Variants in SEH1L observed in about 807,000 individuals in gnomAD.
The protein encoded by SEH1L is nucleoporin SEH1.
Under a neutral mutation model 49.5 loss-of-function variants are expected in SEH1L, and 18 were observed. The ratio of observed to expected loss-of-function variants is 0.36; its 90% CI spans 0.25 to 0.54. The LOEUF is 0.54. Ranked by LOEUF, SEH1L falls within the 20% of genes least tolerant of loss-of-function variation. The pLI is 0.87. For synonymous variants in SEH1L, 169 were observed against 178.1 expected (o/e 0.95, Z 0.41); for missense variants, 404 against 528.8 (o/e 0.76, Z 2.31).
intron 4 of SEH1L, among the ~76,000 whole-genome samples, chr18:12,968,319 C>G (rs2031542259): frequency 1.3e-5 from 2 of 152,268 alleles, no homozygotes; most frequent in South Asian, 2.1e-4. Flanking sequence ...GGGGCACCCT[C>G]CAACTGACAA....
intron 3 of SEH1L, among the ~76,000 whole-genome samples, chr18:12,956,966 G>T (rs984688604): frequency 6.6e-6 from 1 of 152,118 alleles, no homozygotes; most frequent in Non-Finnish European, 1.5e-5. Context: ...TACTCTGGAG[G>T]CTGAGGCAGG....
intron 3 of SEH1L, among the ~76,000 whole-genome samples, chr18:12,957,222 G>A (rs2145614671): frequency 6.6e-6 from 1 of 152,314 alleles, no homozygotes; most frequent in Admixed American, 6.5e-5. Context: ...GAGGTCAGGA[G>A]TTTGAGACCA....
Position 12,955,759 on chromosome 18 carries a change from C to A in SEH1L, c.309+150C>A, listed in dbSNP as rs567429762. 2.3e-4 allele frequency: 177 copies of A among 781,666 alleles called. 3 individuals carry two copies. In the South Asian group the frequency reaches 3.4e-3, roughly 15 times the overall value. The allele number at this position is 781,666 out of a possible 1,614,324, so 48.4% of individuals were successfully genotyped here. A position where few individuals can be genotyped will look rare whatever the true frequency, so the allele number is the denominator to read the frequency against. ...GTTCTTTCTTCCATGTTTTTTTCTTCCTTTTTTATTTCATTTTAACTTGGG... is the reference window on the plus strand; with the variant it reads ...GTTCTTTCTTCCATGTTTTTTTCTTACTTTTTTATTTCATTTTAACTTGGG... On this transcript the variant is annotated intron_variant, in intron 3 of 8. Transcript: ENST00000399892.
chr18:12,985,279 T>C, intron 8 of SEH1L: 1 of 1,607,110 alleles, frequency 6.2e-7, no homozygotes, highest in Non-Finnish European at 8.5e-7. Flanking sequence ...GTAACTTTGC[T>C]GTTTTGCTGC....
intron 5 of SEH1L, chr18:12,971,735 G>A (rs1434508464): frequency 6.5e-6 from 1 of 153,716 alleles, no homozygotes; most frequent in Non-Finnish European, 1.4e-5. Flanking sequence ...ATCTTATGAA[G>A]TGGAAGAATT....
chr18:12,979,118 G>A (rs1281391885), intron 6 of SEH1L, among the ~76,000 whole-genome samples: 2 of 150,812 alleles, frequency 1.3e-5, no homozygotes, highest in Non-Finnish European at 3.0e-5. Flanking sequence ...TCTCCCAGAG[G>A]GGGATTTGGC....
intron 6 of SEH1L, among the ~76,000 whole-genome samples, chr18:12,980,036 A>T (rs867286973): frequency 1.4e-5 from 1 of 73,846 alleles, no homozygotes; most frequent in Non-Finnish European, 2.6e-5. Flanking sequence ...CGGGCGGCTG[A>T]CCCCCCCACC....
intron 6 of SEH1L, among the ~76,000 whole-genome samples, chr18:12,980,381 C>A (rs868056140): frequency 3.0e-4 from 31 of 102,684 alleles, no homozygotes; most frequent in South Asian, 7.9e-4. Flanking sequence ...CTGACCCCCC[C>A]ACCTCCCTCC....
intron 3 of SEH1L, among the ~76,000 whole-genome samples, chr18:12,959,344 C>G (rs758810300): frequency 6.6e-6 from 1 of 152,150 alleles, no homozygotes; most frequent in Non-Finnish European, 1.5e-5. Flanking sequence ...TTTATACTTA[C>G]CAGTTAAGCA....
chr18:12,979,217 C>T (rs1348446467), intron 6 of SEH1L, among the ~76,000 whole-genome samples: 5 of 148,622 alleles, frequency 3.4e-5, no homozygotes, highest in African/African-American at 1.0e-4. Context: ...ACCCTGCGGC[C>T]TTCTGCAGTG....
At chr18:12,981,414 A>G (rs1302873595) in intron 6 of SEH1L, among the ~76,000 whole-genome samples, 2 of 152,172 alleles carry the variant, frequency 1.3e-5, no homozygotes, top group African/African-American at 4.8e-5. Context: ...CCTGGGCACC[A>G]TTGAGCACTG....
At chr18:12,952,758 C>T (rs117889884) in intron 2 of SEH1L, among the ~76,000 whole-genome samples, 2,442 of 151,236 alleles carry the variant, frequency 0.016, 31 homozygotes, top group Non-Finnish European at 0.025. Flanking sequence ...TCTCCCCTCC[C>T]CTCCCACCCT....
In SEH1L at chr18:12,984,376, TAG is replaced by T. The variant is rs1175357980; in HGVS notation, c.1070+187_1070+188del. On this transcript the variant is annotated intron_variant, in intron 8 of 8. Transcript: ENST00000399892. ...CTTACTTGGTCATAATATTTGCAGG[TAG>T]GTTATGAAGTCATTACATTATATTC... The T allele has an allele frequency of 2.8e-5, 18 of 636,980 alleles. No homozygotes were observed. The African/African-American group carries it at 3.1e-4, about 11-fold the overall frequency. The allele number at this position is 636,980 out of a possible 1,614,324, so 39.5% of individuals were successfully genotyped here.
intron 4 of SEH1L, among the ~76,000 whole-genome samples, chr18:12,963,939 C>A (rs1275876873): frequency 1.3e-5 from 2 of 152,238 alleles, no homozygotes; most frequent in African/African-American, 4.8e-5. Context: ...TCTTGAACTT[C>A]TAACCTCAGG....
Position 12,985,979 on chromosome 18 carries a change from A to C in SEH1L, c.1071-883A>C, listed in dbSNP as rs148985802. 3.3e-6 allele frequency: 3 copies of C among 898,560 alleles called. No individual in the cohort carries two copies. The African/African-American group carries it at 5.4e-5, about 16-fold the overall frequency. 55.7% of individuals were successfully genotyped at this position (898,560 alleles called of 1,614,324 possible). ...TTAATTCATAGTCACTAAAGAGATAAATGTTTCTTATATACATTTGTGTAT... is the reference window on the plus strand; with the variant it reads ...TTAATTCATAGTCACTAAAGAGATACATGTTTCTTATATACATTTGTGTAT... On this transcript the variant is annotated intron_variant, in intron 8 of 8. Transcript: ENST00000399892.
chr18:12,982,770 C>T, intron 7 of SEH1L, 95 bp downstream of exon 7: 1 of 933,864 alleles, frequency 1.1e-6, no homozygotes, highest in Non-Finnish European at 1.6e-6. Context: ...TGAAAATGGT[C>T]TTTTACAGTT....
At chr18:12,955,639 G>A (rs373973930) in intron 3 of SEH1L, 30 bp downstream of exon 3, 8 of 1,606,756 alleles carry the variant, frequency 5.0e-6, no homozygotes, top group Admixed American at 3.3e-5. Flanking sequence ...TCTGGGGACC[G>A]GGAAGACATG....
chr18:12,956,333 C>G (rs1598944957), intron 3 of SEH1L, among the ~76,000 whole-genome samples: 1 of 151,762 alleles, frequency 6.6e-6, no homozygotes, highest in South Asian at 2.1e-4. Context: ...TGAGCCACCA[C>G]GCCTGGCCAA....
chr18:12,957,662 AT>A (rs1487243981), intron 3 of SEH1L, among the ~76,000 whole-genome samples: 3 of 152,276 alleles, frequency 2.0e-5, no homozygotes, highest in Admixed American at 2.0e-4. Flanking sequence ...GTTTTTTGTA[AT>A]AGATAATCAT....
Sources: gnomAD v4.1 joint callset for allele counts (sites outside exome capture counted in the v4.1 genomes callset) on GRCh38, gnomAD v4.1.1 for gene constraint, MANE v1.5 for transcripts, NCBI Gene and HGNC (gene_info 2026-07-23, HGNC 2026-07-21) for gene names.